TMEFF2: variants seen among roughly 807,000 people sequenced by gnomAD.
TMEFF2 encodes the protein transmembrane protein with EGF like and two follistatin like domains 2, also known as tomoregulin-2.
Under a neutral mutation model 53.8 loss-of-function variants are expected in TMEFF2, and 28 were observed. The observed-to-expected ratio is 0.52, with a 90% CI of 0.39 to 0.71. The LOEUF is 0.71. TMEFF2 is among the 30% of genes least tolerant of loss of function. TMEFF2 has a pLI of 0.00. For missense variants in TMEFF2, 353 were observed against 455.2 expected (o/e 0.78, Z 2.04); for synonymous variants, 162 against 166.3 (o/e 0.97, Z 0.20).
chr2:191,994,516 A>G (rs944030515), intron 7 of TMEFF2, among the ~76,000 whole-genome samples: 1 of 151,846 alleles, frequency 6.6e-6, no homozygotes, highest in Non-Finnish European at 1.5e-5. Context: ...CTGGATAAAG[A>G]AAAACAAATA....
intron 5 of TMEFF2, among the ~76,000 whole-genome samples, chr2:192,053,402 G>T (rs1212421128): frequency 2.6e-5 from 4 of 152,242 alleles, no homozygotes; most frequent in Admixed American, 6.5e-5. Context: ...TGAATAACTA[G>T]ATTTAACCCA....
At chr2:192,037,308 A>G (rs1396466827) in intron 5 of TMEFF2, among the ~76,000 whole-genome samples, 1 of 150,474 alleles carries the variant, frequency 6.6e-6, no homozygotes, top group Non-Finnish European at 1.5e-5. Flanking sequence ...AAAGAAAGAA[A>G]GAAAGAAAGA....
chr2:192,059,170 T>C (rs1416822152), intron 4 of TMEFF2, among the ~76,000 whole-genome samples: 1 of 152,050 alleles, frequency 6.6e-6, no homozygotes, highest in African/African-American at 2.4e-5. Flanking sequence ...TTTCCTGTGC[T>C]TGATAGTCAA....
At chr2:192,153,790 C>T (rs1690443777) in intron 4 of TMEFF2, among the ~76,000 whole-genome samples, 1 of 151,714 alleles carries the variant, frequency 6.6e-6, no homozygotes, top group South Asian at 2.1e-4. Flanking sequence ...ACTCTATACT[C>T]GAATAGGGAT....
chr2:192,109,252 A>C (rs978681937), intron 4 of TMEFF2, among the ~76,000 whole-genome samples: 26 of 152,078 alleles, frequency 1.7e-4, no homozygotes, highest in African/African-American at 5.8e-4. Flanking sequence ...TTCATGTACT[A>C]TATTCTTATT....
At chr2:192,129,648 G>A (rs1026184655) in intron 4 of TMEFF2, among the ~76,000 whole-genome samples, 3 of 152,178 alleles carry the variant, frequency 2.0e-5, no homozygotes, top group African/African-American at 7.2e-5. Context: ...TTTATGGTGA[G>A]GGAGTTGCTG....
intron 5 of TMEFF2, among the ~76,000 whole-genome samples, chr2:192,015,308 CTTTTTTTTTTTT>C (rs34696715): frequency 2.6e-5 from 2 of 76,272 alleles, no homozygotes; most frequent in Admixed American, 2.0e-4. Flanking sequence ...ATCACTGAAG[CTTTTTTTTTTTT>C]TTTTTTTTTT....
chr2:192,122,313 C>T (rs78933717), intron 4 of TMEFF2, among the ~76,000 whole-genome samples: 2,379 of 152,230 alleles, frequency 0.016, 62 homozygotes, highest in African/African-American at 0.054. Context: ...CTTACTCCAA[C>T]AGGAAATATA....
At chr2:192,042,292 G>C (rs1464239577) in intron 5 of TMEFF2, among the ~76,000 whole-genome samples, 1 of 152,164 alleles carries the variant, frequency 6.6e-6, no homozygotes, top group Non-Finnish European at 1.5e-5. Flanking sequence ...ATGACATAGA[G>C]ACATGAATTG....
intron 4 of TMEFF2, among the ~76,000 whole-genome samples, chr2:192,083,724 T>C (rs945119783): frequency 2.0e-5 from 3 of 150,802 alleles, no homozygotes; most frequent in African/African-American, 4.9e-5. Flanking sequence ...GAATCTAGTA[T>C]GTTCATCGTT....
In TMEFF2 at chr2:192,164,320, C is replaced by T. The variant is rs116661215; in HGVS notation, c.439+15348G>A. ...TGTGCTCTTCCCTTTGCTCCGAATGCCCTGCCTCTGATCTTTGTGTACCTT... is the reference window on the plus strand; with the variant it reads ...TGTGCTCTTCCCTTTGCTCCGAATGTCCTGCCTCTGATCTTTGTGTACCTT... On this transcript the variant is annotated intron_variant, in intron 4 of 9. Coordinates refer to ENST00000272771, the MANE Select transcript of TMEFF2 (RefSeq NM_016192.4). 7.6e-3 allele frequency among the ~76,000 whole-genome samples: 1,158 copies of T among 152,264 alleles called. 15 individuals carry two copies. The highest frequency in any genetic ancestry group is 0.026 in the African/African-American group (1,068 of 41,556).
chr2:192,149,177 C>T (rs181462652), intron 4 of TMEFF2, among the ~76,000 whole-genome samples: 2 of 152,028 alleles, frequency 1.3e-5, no homozygotes, highest in Admixed American at 1.3e-4. Context: ...TGGTTCATGC[C>T]TAGGGCCTCA....
At chr2:192,167,145 T>C (rs1473936777) in intron 4 of TMEFF2, among the ~76,000 whole-genome samples, 1 of 152,168 alleles carries the variant, frequency 6.6e-6, no homozygotes, top group Non-Finnish European at 1.5e-5. Flanking sequence ...CTAATTCTCC[T>C]AGTCAGCAGA....
At chr2:191,953,891 T>A (rs987600419) in intron 8 of TMEFF2, 54 bp from the exon 9 acceptor site, 174 of 1,189,574 alleles carry the variant, frequency 1.5e-4, no homozygotes, top group Non-Finnish European at 1.8e-4. Context: ...TCATTTTTTT[T>A]TTTTTTTTTT....
rs190866614 is a variant in TMEFF2, at chr2:192,133,650, C to T, written c.439+46018G>A. ...ATACCTCCCTCCACAATCCGTTATT[C>T]TGTTCTGGATCTCAAACGTGCTTTC... On this transcript the variant is annotated intron_variant, in intron 4 of 9. Coordinates refer to ENST00000272771, the MANE Select transcript of TMEFF2 (RefSeq NM_016192.4). Among the ~76,000 whole-genome samples, 1,015 of 152,328 alleles carry T rather than the reference C, an allele frequency of 6.7e-3. 9 individuals carry two copies. The highest frequency in any genetic ancestry group is 0.024 in the African/African-American group (978 of 41,568).
chr2:192,040,311 C>T (rs1298556402), intron 5 of TMEFF2, among the ~76,000 whole-genome samples: 1 of 151,954 alleles, frequency 6.6e-6, no homozygotes, highest in Non-Finnish European at 1.5e-5. Context: ...CTTTTACATT[C>T]TTCCTTCTCC....
intron 5 of TMEFF2, among the ~76,000 whole-genome samples, chr2:192,028,395 A>C (rs1687026912): frequency 6.6e-6 from 1 of 152,166 alleles, no homozygotes; most frequent in Admixed American, 6.5e-5. Flanking sequence ...TCTTTTGTTC[A>C]AACCAGAGCT....
chr2:192,154,999 T>C (rs1197611558), intron 4 of TMEFF2, among the ~76,000 whole-genome samples: 2 of 151,956 alleles, frequency 1.3e-5, no homozygotes, highest in African/African-American at 4.8e-5. Flanking sequence ...CTGGGAACTT[T>C]AAGTTGGATA....
At chr2:192,027,580 C>T (rs773463416) in intron 5 of TMEFF2, among the ~76,000 whole-genome samples, 1 of 152,142 alleles carries the variant, frequency 6.6e-6, no homozygotes, top group Non-Finnish European at 1.5e-5. Context: ...GGTATTCATG[C>T]CCTTGTGTAA....
Sources: allele counts gnomAD v4.1 joint callset (sites outside exome capture counted in the v4.1 genomes callset), GRCh38; gene constraint gnomAD v4.1.1; transcripts MANE v1.5; gene names NCBI Gene and HGNC (gene_info 2026-07-23, HGNC 2026-07-21).